Variants in DCST2 observed in about 807,000 individuals in gnomAD.
DCST2 encodes DC-STAMP domain containing 2.
Under a neutral mutation model 81.8 loss-of-function variants are expected in DCST2, and 64 were observed. The ratio of observed to expected loss-of-function variants is 0.78; its 90% CI spans 0.64 to 0.96. DCST2 has a LOEUF of 0.96. Among genes scored for constraint, DCST2 ranks in the 40% least tolerant of loss-of-function variants. The pLI, the probability that DCST2 is intolerant of heterozygous loss-of-function variation, is 0.00. For synonymous variants in DCST2, 354 were observed against 402.6 expected (o/e 0.88, Z 1.44); for missense variants, 945 against 1,001.4 (o/e 0.94, Z 0.76).
chr1:155,020,886 A>G (rs190935243), intron 14 of DCST2, among the ~76,000 whole-genome samples: 206 of 150,730 alleles, frequency 1.4e-3, no homozygotes, highest in African/African-American at 4.7e-3. Context: ...GCAGTGGTGC[A>G]ATCTTGGCTC....
At chr1:155,020,017 C>G (rs1659704327) in intron 14 of DCST2, among the ~76,000 whole-genome samples, 1 of 152,196 alleles carries the variant, frequency 6.6e-6, no homozygotes, top group Non-Finnish European at 1.5e-5. Context: ...GGCCACCAGG[C>G]TGGAGTGGGC....
intron 5 of DCST2, 153 bp from the exon 6 acceptor site, chr1:155,030,798 G>C (rs1660052330): frequency 2.7e-6 from 2 of 735,094 alleles, no homozygotes; most frequent in South Asian, 3.7e-5. Flanking sequence ...CTGAGGAGGG[G>C]ACAAAGCCTC....
chr1:155,023,898 A>G lies in DCST2; in HGVS notation c.1804T>C (p.Cys602Arg). 1 of 1,613,708 alleles carries G rather than the reference A, an allele frequency of 6.2e-7. No homozygotes were observed. Among genetic ancestry groups the G allele is most frequent in the Non-Finnish European group, 8.5e-7 (1 of 1,179,906 alleles). Residue 602 changes from cysteine to arginine, a missense_variant, in exon 12 of 15, where the codon TGT becomes CGT. Coordinates refer to ENST00000368424, the MANE Select transcript of DCST2 (RefSeq NM_144622.3). ...TCTCCCTCATCCTGGGGCTGCCCAC[A>G]GCCCAGGCAGTAGGCCTGATGCAGC... ...FWLHQAYCLG[C>R]GQPQDEGDME...
Position 155,023,866 on chromosome 1 carries a change from C to T in DCST2, c.1836G>A (p.Glu612=). 1.2e-6 allele frequency: 2 copies of T among 1,613,704 alleles called. No individual in the cohort carries two copies. Among genetic ancestry groups the T allele is most frequent in the Non-Finnish European group, 1.7e-6 (2 of 1,179,936 alleles). ...CGGGGGTACTGCAGGACACAGTGTT[C>T]TCCATGTCTCCCTCATCCTGGGGCT... ...CGQPQDEGDM[E]NTVSCSTPGC... The change falls in exon 12 of 15, where the codon GAG becomes GAA. Residue 612 remains glutamate, a synonymous_variant. Coordinates refer to ENST00000368424, the MANE Select transcript of DCST2 (RefSeq NM_144622.3).
At chr1:155,030,404 TC>T in intron 6 of DCST2, 27 bp downstream of exon 6, 1 of 1,607,050 alleles carries the variant, frequency 6.2e-7, no homozygotes, top group Non-Finnish European at 8.5e-7. Context: ...CGGCCCTGCA[TC>T]CCCCACGCTG....
rs753702818 is a variant in DCST2 at position 155,030,586 on chromosome 1, G to C, written c.865C>G (p.His289Asp). 1.9e-6 allele frequency: 3 copies of C among 1,614,130 alleles called. No individual in the cohort carries two copies. Among genetic ancestry groups the C allele is most frequent in the Non-Finnish European group, 2.5e-6 (3 of 1,180,034 alleles). ...GCATTGAGATCCACAGAGAAGTGGT[G>C]GGTGGCTGTCATGTTGAACTCAAAC... Reference protein sequence around the residue: ...QEFEFNMTATHHFSVDLNASR... With the variant: ...QEFEFNMTATDHFSVDLNASR... The change falls in exon 6 of 15, where the codon CAC (histidine) becomes GAC (aspartate). Residue 289 changes from histidine to aspartate, a missense_variant. By Grantham distance (81) the His-to-Asp change is moderately conservative. Coordinates refer to ENST00000368424, the MANE Select transcript of DCST2 (RefSeq NM_144622.3).
chr1:155,032,919 G>T, intron 2 of DCST2, 151 bp from the exon 3 acceptor site: 2 of 1,020,072 alleles, frequency 2.0e-6, no homozygotes, highest in African/African-American at 1.6e-5. Context: ...TAATCTGGGA[G>T]TGGAGGAGGC....
At position 155,030,462 on chromosome 1, in the gene DCST2, G is replaced by A. The variant is rs199920613; in HGVS notation, c.989C>T (p.Thr330Met). The change falls in exon 6 of 15, where the codon ACG (threonine) becomes ATG (methionine). Residue 330 changes from threonine (T) to methionine (M), a missense_variant. Transcript: ENST00000368424. Reference protein sequence around the residue: ...REALALMGFTTPLLLVLLYLQ... With the variant: ...REALALMGFTMPLLLVLLYLQ... ...GTAGAGAAGCACAAGCAGCAGAGGC[G>A]TGGTGAAGCCCATCAGAGCCAGGGC... 7.6e-5 allele frequency: 122 copies of A among 1,613,832 alleles called. No individual in the cohort carries two copies. The Middle Eastern group carries it at 1.3e-3, about 18-fold the overall frequency.
intron 5 of DCST2, 49 bp from the exon 6 acceptor site, chr1:155,030,694 G>C: frequency 6.3e-7 from 1 of 1,599,310 alleles, no homozygotes; most frequent in Non-Finnish European, 8.5e-7. Context: ...AGTTAGGAGA[G>C]GGTGGAGCTG....
At position 155,031,687 on chromosome 1, in the gene DCST2, C is replaced by T. The variant is rs763405583; in HGVS notation, c.626G>A (p.Cys209Tyr). 1.2e-6 allele frequency: 2 copies of T among 1,614,210 alleles called. No individual in the cohort carries two copies. The highest frequency in any genetic ancestry group is 2.2e-5 in the South Asian group (2 of 91,088). The change falls in exon 4 of 15, where the codon TGT (cysteine) becomes TAT (tyrosine). Residue 209 changes from cysteine to tyrosine, a missense_variant. Coordinates refer to ENST00000368424, the MANE Select transcript of DCST2 (RefSeq NM_144622.3). ...CTTGGCATCATCGAAAACCCGTGCA[C>T]ACTTCAGGTAAGGGTTGCCCAGTTC... is the stretch of plus-strand genomic sequence containing the variant. ...NSELGNPYLKCARVFDDAKDS... is the reference protein window; with the variant it reads ...NSELGNPYLKYARVFDDAKDS...
At chr1:155,026,449 C>G (rs1240682211) in intron 9 of DCST2, 47 bp from the exon 10 acceptor site, 16 of 1,612,878 alleles carry the variant, frequency 9.9e-6, no homozygotes, top group Non-Finnish European at 1.4e-5. Context: ...GGCACAAGTG[C>G]CAGCCCACCC....
In DCST2 at chr1:155,029,411, G is replaced by C; in HGVS notation, c.1178-14C>G. ...AGAAGATGGAGCCTGAGCAGGAGTGGGATGGTCAGGAGGATGCTCCCCAGT... is the reference window on the plus strand; with the variant it reads ...AGAAGATGGAGCCTGAGCAGGAGTGCGATGGTCAGGAGGATGCTCCCCAGT... On this transcript the variant is annotated splice_polypyrimidine_tract_variant and intron_variant, in intron 7 of 14. Transcript: ENST00000368424. 1 of 1,612,248 alleles carries C rather than the reference G, an allele frequency of 6.2e-7. No homozygotes were observed. The highest frequency in any genetic ancestry group is 8.5e-7 in the Non-Finnish European group (1 of 1,178,920).
In DCST2 at chr1:155,018,716, T is replaced by TGCCCGTGCTTCCTCTGCTGAG; in HGVS notation, c.2129_2149dup (p.Pro710_Gly716dup). On this transcript the variant is annotated inframe_insertion, in exon 15 of 15. Transcript: ENST00000368424. ...CTGATGGGCTTCAGGTAAGGGCTGC[T>TGCCCGTGCTTCCTCTGCTGAG]GCCCGTGCTTCCTCTGCTGAGGCCC... The TGCCCGTGCTTCCTCTGCTGAG allele has an allele frequency of 6.2e-7, 1 of 1,613,806 alleles. No individual in the cohort carries two copies.
intron 3 of DCST2, among the ~76,000 whole-genome samples, chr1:155,032,183 C>T (rs544448885): frequency 1.3e-5 from 2 of 151,876 alleles, no homozygotes; most frequent in South Asian, 2.1e-4. Context: ...TTAGTAGAGA[C>T]GGGGTTTCAC....
chr1:155,025,850 G>A (rs984908750), intron 10 of DCST2, among the ~76,000 whole-genome samples: 4 of 151,596 alleles, frequency 2.6e-5, no homozygotes, highest in Non-Finnish European at 5.9e-5. Context: ...CATGCCTGGC[G>A]TTTTATTTTC....
At position 155,031,727 on chromosome 1, in the gene DCST2, C is replaced by G. The variant is rs995283355; in HGVS notation, c.586G>C (p.Asp196His). Residue 196 changes from aspartate to histidine, a missense_variant, in exon 4 of 15, where the codon GAT (aspartate) becomes CAT (histidine). Asp to His is a moderately conservative substitution (Grantham distance 81, BLOSUM62 -1). Transcript: ENST00000368424. The stretch of plus-strand genomic sequence containing the variant: ...TTGCCCAGTTCCGAGTTGCACACAT[C>G]GCCGATGTGCAGGAGCCACTGCCAC... ...NVWQWLLHIG[D>H]VCNSELGNPY... is the part of the protein sequence containing the mutation. The G allele has an allele frequency of 6.2e-7, 1 of 1,613,960 alleles. No homozygotes were observed. Among genetic ancestry groups the G allele is most frequent in the Non-Finnish European group, 8.5e-7 (1 of 1,180,040 alleles).
At chr1:155,019,256 C>G (rs367777862) in intron 14 of DCST2, among the ~76,000 whole-genome samples, 1 of 152,144 alleles carries the variant, frequency 6.6e-6, no homozygotes, top group African/African-American at 2.4e-5. Context: ...TTTTGCAAAG[C>G]CCCTGGCTGC....
At chr1:155,024,049 C>T (rs1247245796) in intron 11 of DCST2, 90 bp from the exon 12 acceptor site, 1 of 1,489,000 alleles carries the variant, frequency 6.7e-7, no homozygotes, top group African/African-American at 1.4e-5. Context: ...GCAGGGAGGA[C>T]TTCCTGACTT....
Position 155,030,254 on chromosome 1 carries a change from G to A in DCST2, c.1020-13C>T. Reference sequence around the variant, plus strand: ...GTAAAATAGGGCTCTGGGAAGGGGAGGTGGAGCACATGTGAGGCCCCTTAG... The same window carrying A: ...GTAAAATAGGGCTCTGGGAAGGGGAAGTGGAGCACATGTGAGGCCCCTTAG... On this transcript the variant is annotated splice_polypyrimidine_tract_variant and intron_variant, in intron 6 of 14. Coordinates refer to ENST00000368424, the MANE Select transcript of DCST2 (RefSeq NM_144622.3). 1 of 1,613,988 alleles carries A rather than the reference G, an allele frequency of 6.2e-7. No individual in the cohort carries two copies. The highest frequency in any genetic ancestry group is 8.5e-7 in the Non-Finnish European group (1 of 1,179,954).
Sources: gnomAD v4.1 joint callset for allele counts (sites outside exome capture counted in the v4.1 genomes callset) on GRCh38, gnomAD v4.1.1 for gene constraint, MANE v1.5 for transcripts, NCBI Gene and HGNC (gene_info 2026-07-23, HGNC 2026-07-21) for gene names.